Variants in IKBKB-DT observed in about 807,000 individuals in gnomAD.
IKBKB-DT encodes IKBKB divergent transcript.
At chr8:42,237,066 C>T (rs908603871) in intron 3 of IKBKB-DT, among the ~76,000 whole-genome samples, 10 of 146,530 alleles carry the variant, frequency 6.8e-5, no homozygotes, top group Non-Finnish European at 1.2e-4. Context: ...ATCTCTTTTA[C>T]GAGAGAAGGC....
chr8:42,261,912 G>T (rs1451994583), intron 3 of IKBKB-DT, among the ~76,000 whole-genome samples: 1 of 152,226 alleles, frequency 6.6e-6, no homozygotes, highest in Non-Finnish European at 1.5e-5. Flanking sequence ...CCTGGCAGTT[G>T]GTTGCCTGCA....
intron 3 of IKBKB-DT, among the ~76,000 whole-genome samples, chr8:42,252,949 T>A (rs748927300): frequency 6.6e-6 from 1 of 152,232 alleles, no homozygotes; most frequent in Non-Finnish European, 1.5e-5. Flanking sequence ...CTTTGCCATA[T>A]TTTGAAATGG....
chr8:42,261,181 G>C (rs1233494507), intron 3 of IKBKB-DT, among the ~76,000 whole-genome samples: 1 of 152,050 alleles, frequency 6.6e-6, no homozygotes, highest in African/African-American at 2.4e-5. Context: ...ACAAATATTA[G>C]CTGGATGTGC....
At position 42,235,230 on chromosome 8, in the gene IKBKB-DT, A is replaced by G. The variant is rs1380658098; in HGVS notation, n.1530-1371T>C. Among the ~76,000 whole-genome samples the G allele has an allele frequency of 1.2e-4, 15 of 120,394 alleles. No individual in the cohort carries two copies. The South Asian group carries it at 3.3e-3, about 26-fold the overall frequency. 79.0% of individuals were successfully genotyped at this position (120,394 alleles called of 152,430 possible). ...CTTTTTTTTTTTTTTTTTGAGACAG[A>G]GTCTCCCTCTGTCACCCACGCTGGA... On this transcript the variant is annotated intron_variant and non_coding_transcript_variant, in intron 3 of 3. Transcript: ENST00000518213.
At chr8:42,268,056 A>G (rs1393195792) in intron 1 of IKBKB-DT, among the ~76,000 whole-genome samples, 1 of 152,140 alleles carries the variant, frequency 6.6e-6, no homozygotes, top group African/African-American at 2.4e-5. Context: ...TGACAGGATT[A>G]AAGAGAAACC....
At chr8:42,242,364 GAT>G (rs748431645) in intron 3 of IKBKB-DT, among the ~76,000 whole-genome samples, 17 of 152,150 alleles carry the variant, frequency 1.1e-4, no homozygotes, top group Non-Finnish European at 2.5e-4. Context: ...GTGGGGTTTA[GAT>G]GCTGTTATTA....
chr8:42,234,476 A>G (rs1419394702), intron 3 of IKBKB-DT, among the ~76,000 whole-genome samples: 3 of 152,280 alleles, frequency 2.0e-5, no homozygotes, highest in Non-Finnish European at 4.4e-5. Flanking sequence ...ATTTTAAGAC[A>G]ATAATGAAAT....
rs1807338782 is a variant in IKBKB-DT at position 42,264,361 on chromosome 8, G to A, written n.1386-889C>T. Among the ~76,000 whole-genome samples the A allele has an allele frequency of 2.0e-5, 3 of 151,734 alleles. No homozygotes were observed. In the South Asian group the frequency reaches 6.3e-4, roughly 32 times the overall value. ...TGTAGAGATGGGGTCTCCCTATATT[G>A]CCCAGGCTGGTCTCAAACTCCTGGG... On this transcript the variant is annotated intron_variant and non_coding_transcript_variant, in intron 2 of 3. Transcript: ENST00000518213.
chr8:42,234,921 C>T (rs754054590), intron 3 of IKBKB-DT, among the ~76,000 whole-genome samples: 38 of 152,260 alleles, frequency 2.5e-4, no homozygotes, highest in Admixed American at 4.6e-4. Context: ...TGAGCAACTG[C>T]GCTGGCCTAT....
At chr8:42,237,237 T>A (rs1034081764) in intron 3 of IKBKB-DT, among the ~76,000 whole-genome samples, 3 of 151,876 alleles carry the variant, frequency 2.0e-5, no homozygotes, top group African/African-American at 7.3e-5. Context: ...CAGGTGCCCA[T>A]CACCATGCCC....
At chr8:42,240,800 C>A (rs1806992174) in intron 3 of IKBKB-DT, among the ~76,000 whole-genome samples, 1 of 151,726 alleles carries the variant, frequency 6.6e-6, no homozygotes. Flanking sequence ...TATGGTGAAA[C>A]CCAATCTCTA....
chr8:42,248,868 C>T (rs78881723), intron 3 of IKBKB-DT, among the ~76,000 whole-genome samples: 2 of 129,420 alleles, frequency 1.5e-5, no homozygotes, highest in Non-Finnish European at 3.1e-5. Flanking sequence ...AGAGGCTCTA[C>T]CAAAAAAAAA....
At chr8:42,238,989 T>G (rs989260834) in intron 3 of IKBKB-DT, among the ~76,000 whole-genome samples, 3 of 152,192 alleles carry the variant, frequency 2.0e-5, no homozygotes, top group African/African-American at 4.8e-5. Flanking sequence ...GCAACACTGC[T>G]GTCTCTGTGA....
At chr8:42,248,505 T>G (rs1295784335) in intron 3 of IKBKB-DT, among the ~76,000 whole-genome samples, 1 of 152,218 alleles carries the variant, frequency 6.6e-6, no homozygotes, top group Admixed American at 6.5e-5. Flanking sequence ...ATGTTACTGC[T>G]CTTTTTACAG....
At chr8:42,254,127 T>C (rs1807163536) in intron 3 of IKBKB-DT, among the ~76,000 whole-genome samples, 1 of 152,200 alleles carries the variant, frequency 6.6e-6, no homozygotes, top group African/African-American at 2.4e-5. Context: ...TTTGAATAAA[T>C]TTTGCTTCTA....
At chr8:42,234,923 C>G (rs1234389913) in intron 3 of IKBKB-DT, among the ~76,000 whole-genome samples, 1 of 152,204 alleles carries the variant, frequency 6.6e-6, no homozygotes. Flanking sequence ...AGCAACTGCG[C>G]TGGCCTATTT....
At chr8:42,247,088 C>T (rs111724372) in intron 3 of IKBKB-DT, among the ~76,000 whole-genome samples, 6 of 152,220 alleles carry the variant, frequency 3.9e-5, no homozygotes, top group East Asian at 1.9e-4. Context: ...GTAGATCCAC[C>T]GACAGCTTGC....
chr8:42,268,218 T>A (rs966143678), intron 1 of IKBKB-DT, among the ~76,000 whole-genome samples: 5 of 148,622 alleles, frequency 3.4e-5, no homozygotes, highest in African/African-American at 1.2e-4. Flanking sequence ...CACTGCAACC[T>A]CTGCCTCCTG....
At chr8:42,257,569 A>G (rs1428336251) in intron 3 of IKBKB-DT, among the ~76,000 whole-genome samples, 2 of 152,142 alleles carry the variant, frequency 1.3e-5, no homozygotes, top group South Asian at 2.1e-4. Context: ...AGGGGCCTTC[A>G]GGAAAATTCC....
Sources: allele counts gnomAD v4.1 joint callset (sites outside exome capture counted in the v4.1 genomes callset), GRCh38; gene constraint gnomAD v4.1.1; transcripts MANE v1.5; gene names NCBI Gene and HGNC (gene_info 2026-07-23, HGNC 2026-07-21).